MGAM2: variants seen among roughly 807,000 people sequenced by gnomAD.
The protein encoded by MGAM2 is probable maltase-glucoamylase 2.
In MGAM2, 98 loss-of-function variants were observed where a neutral mutation model predicts 96.1. That is an observed-to-expected ratio of 1.02 (90% confidence interval 0.87 to 1.21). The LOEUF (loss-of-function observed/expected upper bound fraction) is 1.21, where lower values mean the gene tolerates loss of function less well. Ranked by LOEUF, MGAM2 falls within the 50% of genes most tolerant of loss-of-function variation. The pLI, the probability that MGAM2 is intolerant of heterozygous loss-of-function variation, is 0.00. For synonymous variants in MGAM2, 749 were observed against 414.8 expected, an observed-to-expected ratio of 1.81 and a Z score of -9.79; for missense variants, 2,055 against 1,182.4, an observed-to-expected ratio of 1.74 and a Z score of -10.82.
intron 42 of MGAM2, 21 bp from the exon 43 acceptor site, chr7:142,198,118 C>T (rs1336657795): frequency 1.4e-6 from 1 of 700,282 alleles, no homozygotes; most frequent in African/African-American, 1.7e-5. Flanking sequence ...TTCATAATGA[C>T]ATGTCAATTT....
rs1482492813 is a variant in MGAM2, at chr7:142,186,509, A to C, written c.4122+386A>C. Among the ~76,000 whole-genome samples the C allele has an allele frequency of 1.3e-5, 2 of 152,208 alleles. 1 individual carries two copies. Among genetic ancestry groups the C allele is most frequent in the South Asian group, 4.1e-4 (2 of 4,824 alleles). On this transcript the variant is annotated intron_variant, in intron 35 of 47. Transcript: ENST00000477922. ...TGGGTGAGGCATGGAGTTGAGAGCAAGTAGACGTTTGCCATAGTACTGGGG... is the reference window on the plus strand; with the variant it reads ...TGGGTGAGGCATGGAGTTGAGAGCACGTAGACGTTTGCCATAGTACTGGGG...
chr7:142,124,792 T>A (rs1336522259), intron 3 of MGAM2, among the ~76,000 whole-genome samples: 1 of 152,126 alleles, frequency 6.6e-6, no homozygotes. Context: ...GTTTTGCTAC[T>A]TTTTTCCTAT....
chr7:142,171,135 C>G, intron 27 of MGAM2, 137 bp from the exon 28 acceptor site: 1 of 689,086 alleles, frequency 1.5e-6, no homozygotes. Context: ...TGACCTGGGT[C>G]ATGTCACAGT....
At chr7:142,149,037 G>A (rs1276296091) in intron 15 of MGAM2, among the ~76,000 whole-genome samples, 1 of 152,032 alleles carries the variant, frequency 6.6e-6, no homozygotes, top group African/African-American at 2.4e-5. Context: ...GACCAGCCTG[G>A]CCATCATAGT....
intron 15 of MGAM2, among the ~76,000 whole-genome samples, chr7:142,151,159 G>C (rs1795568806): frequency 6.6e-6 from 1 of 152,106 alleles, no homozygotes; most frequent in Admixed American, 6.6e-5. Flanking sequence ...CATATCCTTA[G>C]CCTTATCAAT....
chr7:142,203,173 A>T (rs950277192), intron 45 of MGAM2, among the ~76,000 whole-genome samples: 1 of 152,074 alleles, frequency 6.6e-6, no homozygotes, highest in Admixed American at 6.6e-5. Context: ...TAGAATCTGG[A>T]TGTTAGACCT....
intron 3 of MGAM2, among the ~76,000 whole-genome samples, chr7:142,128,647 C>T (rs943904978): frequency 1.3e-5 from 2 of 152,202 alleles, no homozygotes; most frequent in Non-Finnish European, 2.9e-5. Context: ...GCCATGGCTT[C>T]AGAGTGTATA....
chr7:142,129,166 T>G (rs1794810854), intron 3 of MGAM2, among the ~76,000 whole-genome samples: 1 of 152,236 alleles, frequency 6.6e-6, no homozygotes, highest in South Asian at 2.1e-4. Context: ...GATTTCAGAC[T>G]TGCATGGGGC....
chr7:142,163,844 ATGT>A (rs1249702136), intron 23 of MGAM2, among the ~76,000 whole-genome samples: 1 of 152,092 alleles, frequency 6.6e-6, no homozygotes, highest in African/African-American at 2.4e-5. Context: ...ATGGCTAATG[ATGT>A]TTAACATCTT....
chr7:142,199,396 G>A (rs1282948619), intron 44 of MGAM2, among the ~76,000 whole-genome samples: 1 of 152,114 alleles, frequency 6.6e-6, no homozygotes, highest in African/African-American at 2.4e-5. Flanking sequence ...GATCCTGGTC[G>A]ATTAAAGAAC....
rs1353304049 is a variant in MGAM2, at chr7:142,189,512, G to A, written c.4346+7G>A. The A allele has an allele frequency of 3.9e-6, 3 of 768,972 alleles. No individual in the cohort carries two copies. The highest frequency in any genetic ancestry group is 2.8e-5 in the East Asian group (1 of 35,962). The allele number at this position is 768,972 out of a possible 1,614,324, so 47.6% of individuals were successfully genotyped here. On this transcript the variant is annotated splice_region_variant and intron_variant, in intron 37 of 47. Transcript: ENST00000477922. ...AGACCAGACCCACATACGAGTGAGT[G>A]TCTTTTTGTCACAGCAGCAAAGATA...
intron 32 of MGAM2, among the ~76,000 whole-genome samples, chr7:142,177,345 C>T (rs1276069602): frequency 6.6e-6 from 1 of 152,084 alleles, no homozygotes; most frequent in Non-Finnish European, 1.5e-5. Context: ...AAGACCTGCC[C>T]CCGTGATTCA....
chr7:142,187,395 G>C (rs11762202), intron 35 of MGAM2, among the ~76,000 whole-genome samples: 57,976 of 152,072 alleles, frequency 0.38, 11,487 homozygotes, highest in East Asian at 0.51. Flanking sequence ...CTGTTGGGGA[G>C]TTGTATCAAG....
intron 37 of MGAM2, among the ~76,000 whole-genome samples, chr7:142,195,731 C>T (rs541957139): frequency 5.3e-5 from 8 of 152,038 alleles, no homozygotes; most frequent in South Asian, 2.1e-4. Flanking sequence ...TATTTTCAGG[C>T]GAATGCCTTT....
intron 43 of MGAM2, 31 bp from the exon 44 acceptor site, chr7:142,198,584 C>A: frequency 2.9e-6 from 2 of 699,948 alleles, no homozygotes; most frequent in Non-Finnish European, 5.2e-6. Flanking sequence ...ATTTATCTCT[C>A]GCCATTTTTT....
chr7:142,131,004 C>T lies in MGAM2; in HGVS notation c.243C>T (p.Val81=), dbSNP rs1794868441. ...CCWSPVADAN[V]PRCFFPWNWG... ...GGTCGCCTGTGGCAGATGCCAATGT[C>T]CCTAGGTGCTTCTTCCCCTGGAACT... Residue 81 remains valine, a synonymous_variant, in exon 4 of 48, where the codon GTC becomes GTT. Coordinates refer to ENST00000477922, the MANE Select transcript of MGAM2 (RefSeq NM_001293626.2). 1.4e-6 allele frequency: 1 copy of T among 702,554 alleles called. No homozygotes were observed. Among genetic ancestry groups the T allele is most frequent in the Admixed American group, 2.0e-5 (1 of 49,990 alleles). The allele number at this position is 702,554 out of a possible 1,614,324, so 43.5% of individuals were successfully genotyped here. A position where few individuals can be genotyped will look rare whatever the true frequency, so the allele number is the denominator to read the frequency against.
chr7:142,118,119 T>C (rs28646111), intron 2 of MGAM2, among the ~76,000 whole-genome samples: 26,375 of 152,154 alleles, frequency 0.17, 2,577 homozygotes, highest in East Asian at 0.36. Context: ...CTGGAACTTA[T>C]TCATCTCGCA....
rs1027620248 is a variant in MGAM2 at position 142,137,429 on chromosome 7, T to G, written c.848-4T>G. 4 of 690,272 alleles carry G rather than the reference T, an allele frequency of 5.8e-6. No individual in the cohort carries two copies. Among genetic ancestry groups the G allele is most frequent in the Non-Finnish European group, 1.1e-5 (4 of 379,416 alleles). The allele number at this position is 690,272 out of a possible 1,614,324, so 42.8% of individuals were successfully genotyped here. A position where few individuals can be genotyped will look rare whatever the true frequency, so the allele number is the denominator to read the frequency against. On this transcript the variant is annotated splice_polypyrimidine_tract_variant and splice_region_variant and intron_variant, in intron 8 of 47. Transcript: ENST00000477922. ...TCTAATTAATCTCATTATAATTTTT[T>G]CAGAGGTTACCCTTCAGCCAGCTCC...
intron 37 of MGAM2, among the ~76,000 whole-genome samples, chr7:142,193,380 G>T (rs574596724): frequency 6.6e-6 from 1 of 152,058 alleles, no homozygotes. Flanking sequence ...CTGGGGAGAA[G>T]ACCATGTCTT....
Sources: allele counts gnomAD v4.1 joint callset (sites outside exome capture counted in the v4.1 genomes callset), GRCh38; gene constraint gnomAD v4.1.1; transcripts MANE v1.5; gene names NCBI Gene and HGNC (gene_info 2026-07-23, HGNC 2026-07-21).